SEPTIN10: variants seen among roughly 807,000 people sequenced by gnomAD.
The protein encoded by SEPTIN10 is septin 10, also known as septin-10.
A neutral mutation model predicts 54.8 loss-of-function variants in SEPTIN10; 66 were observed. That is an observed-to-expected ratio of 1.21 (90% CI 0.99 to 1.48). The LOEUF (loss-of-function observed/expected upper bound fraction) is 1.48. Ranked by LOEUF, SEPTIN10 falls within the 40% of genes most tolerant of loss-of-function variation. SEPTIN10 has a pLI of 0.00. For missense variants in SEPTIN10, 620 were observed against 545.6 expected (o/e 1.14, Z -1.36); for synonymous variants, 161 against 181.0 (o/e 0.89, Z 0.89).
rs1686413429 is a variant in SEPTIN10, at chr2:109,564,363, T to A, written c.1028+3A>T. The A allele has an allele frequency of 6.5e-7, 1 of 1,550,354 alleles. No individual in the cohort carries two copies. The highest frequency in any genetic ancestry group is 8.7e-7 in the Non-Finnish European group (1 of 1,144,340). Reference sequence around the variant, plus strand: ...GGTTGGCTTCCCAAGAACCCCACCCTACCTGACTGGCTTGTTTTCTGGGCC... The same window carrying A: ...GGTTGGCTTCCCAAGAACCCCACCCAACCTGACTGGCTTGTTTTCTGGGCC... On this transcript the variant is annotated splice_donor_region_variant and intron_variant, in intron 8 of 10. Transcript: ENST00000397712.
chr2:109,596,405 C>T (rs1177191645), intron 1 of SEPTIN10, among the ~76,000 whole-genome samples: 1 of 151,906 alleles, frequency 6.6e-6, no homozygotes, highest in East Asian at 1.9e-4. Flanking sequence ...ATCATGAGGT[C>T]AGGAGATCAA....
At chr2:109,586,543 C>T (rs1692592557) in intron 2 of SEPTIN10, among the ~76,000 whole-genome samples, 1 of 152,026 alleles carries the variant, frequency 6.6e-6, no homozygotes, top group Non-Finnish European at 1.5e-5. Flanking sequence ...GGAGAAAATT[C>T]CAGAAAGAAG....
At chr2:109,598,107 G>C (rs1006430727) in intron 1 of SEPTIN10, among the ~76,000 whole-genome samples, 2 of 152,034 alleles carry the variant, frequency 1.3e-5, no homozygotes, top group East Asian at 3.9e-4. Context: ...TCGTTGCCCA[G>C]GCTGGAGTGC....
intron 2 of SEPTIN10, among the ~76,000 whole-genome samples, chr2:109,590,071 CACATAT>C (rs1270437486): frequency 2.1e-3 from 316 of 147,922 alleles, no homozygotes; most frequent in Non-Finnish European, 3.6e-3. Flanking sequence ...TATATACACA[CACATAT>C]ATATGTATAT....
At chr2:109,587,273 G>A (rs1349507249) in intron 2 of SEPTIN10, among the ~76,000 whole-genome samples, 1 of 152,048 alleles carries the variant, frequency 6.6e-6, no homozygotes, top group Non-Finnish European at 1.5e-5. Context: ...ACTAACAGCA[G>A]ATCAAATAAT....
chr2:109,613,148 G>C (rs1347993762), intron 1 of SEPTIN10: 1 of 1,285,596 alleles, frequency 7.8e-7, no homozygotes, highest in Admixed American at 2.3e-5. Context: ...ACACGACCTT[G>C]GTACTATTAA....
intron 9 of SEPTIN10, among the ~76,000 whole-genome samples, chr2:109,548,775 CAAAAAAAAAAAAAAAA>C (rs57096452): frequency 1.6e-5 from 1 of 63,542 alleles, no homozygotes; most frequent in South Asian, 8.1e-4. Flanking sequence ...GGCTCCATCT[CAAAAAAAAAAAAAAAA>C]AAAAAAAAAA....
In SEPTIN10 at chr2:109,613,910, G is replaced by A. The variant is rs1440346660; in HGVS notation, c.-83C>T. ...CCCGGCGACGGCGGCGGGAAGGCCG[G>A]AGGGCAGAAGCAACGGGCGGGGCGC... On this transcript the variant is annotated 5_prime_UTR_variant, in exon 1 of 11. Transcript: ENST00000397712. The A allele has an allele frequency of 1.4e-5, 17 of 1,226,866 alleles. No homozygotes were observed. Among genetic ancestry groups the A allele is most frequent in the Admixed American group, 4.3e-5 (1 of 23,434 alleles). 76.0% of individuals were successfully genotyped at this position (1,226,866 alleles called of 1,614,324 possible). A position where few individuals can be genotyped will look rare whatever the true frequency, so the allele number is the denominator to read the frequency against.
intron 1 of SEPTIN10, among the ~76,000 whole-genome samples, chr2:109,602,376 T>C (rs1305738489): frequency 6.6e-6 from 1 of 152,146 alleles, no homozygotes; most frequent in Non-Finnish European, 1.5e-5. Context: ...ATCTCAAGGC[T>C]TATTTAAATA....
At chr2:109,607,569 C>A (rs1233843782) in intron 1 of SEPTIN10, among the ~76,000 whole-genome samples, 1 of 151,984 alleles carries the variant, frequency 6.6e-6, no homozygotes, top group African/African-American at 2.4e-5. Context: ...GTACTGGATT[C>A]CTCCCATTAG....
chr2:109,569,738 G>A (rs1446432432), intron 5 of SEPTIN10, among the ~76,000 whole-genome samples: 1 of 152,090 alleles, frequency 6.6e-6, no homozygotes, highest in South Asian at 2.1e-4. Context: ...ATAATTGCTT[G>A]CACAATAAAC....
intron 8 of SEPTIN10, among the ~76,000 whole-genome samples, chr2:109,562,397 C>T (rs1179741718): frequency 6.6e-6 from 1 of 151,620 alleles, no homozygotes; most frequent in East Asian, 1.9e-4. Flanking sequence ...CTCTTCTTCA[C>T]ATAGGGGTCC....
At chr2:109,594,686 T>G (rs544762635) in intron 1 of SEPTIN10, 1 of 152,374 alleles carries the variant, frequency 6.6e-6, no homozygotes, top group South Asian at 2.1e-4. Context: ...TCCCACCACC[T>G]CACCGTGATC....
chr2:109,613,519 T>A (rs747687882), intron 1 of SEPTIN10: 4 of 235,940 alleles, frequency 1.7e-5, no homozygotes, highest in Non-Finnish European at 3.3e-5. Flanking sequence ...ATGTAACTTT[T>A]GGCAAAGACC....
Position 109,584,009 on chromosome 2 carries a change from G to A in SEPTIN10, c.413+1117C>T, listed in dbSNP as rs1021835400. Among the ~76,000 whole-genome samples, 41 of 152,092 alleles carry A rather than the reference G, an allele frequency of 2.7e-4. 1 individual carries two copies. The highest frequency in any genetic ancestry group is 1.3e-4 in the Non-Finnish European group (9 of 68,022). ...TACTAGAGTGGGAAGGAAGATACCC[G>A]GTAAAGGCTGAAAAACTAACTATTG... On this transcript the variant is annotated intron_variant, in intron 4 of 10. Coordinates refer to ENST00000397712, the MANE Select transcript of SEPTIN10 (RefSeq NM_144710.5).
chr2:109,548,767 C>A (rs1433230942), intron 9 of SEPTIN10, among the ~76,000 whole-genome samples: 6 of 104,800 alleles, frequency 5.7e-5, no homozygotes, highest in African/African-American at 2.4e-4. Context: ...CAGAGTTAGG[C>A]TCCATCTCAA....
At chr2:109,577,403 G>A (rs770940530) in intron 4 of SEPTIN10, among the ~76,000 whole-genome samples, 20 of 151,972 alleles carry the variant, frequency 1.3e-4, no homozygotes, top group Non-Finnish European at 4.4e-5. Flanking sequence ...AGACCAGCCT[G>A]GCCAACATGG....
chr2:109,586,974 T>C, intron 2 of SEPTIN10, among the ~76,000 whole-genome samples: 1 of 152,208 alleles, frequency 6.6e-6, no homozygotes, highest in East Asian at 1.9e-4. Context: ...CAGTATCTAC[T>C]ATACAATAAA....
At chr2:109,592,637 G>A (rs28368774) in intron 2 of SEPTIN10, among the ~76,000 whole-genome samples, 4,728 of 149,404 alleles carry the variant, frequency 0.032, 91 homozygotes, top group Non-Finnish European at 0.047. Flanking sequence ...AAAGTTAGCC[G>A]GACGTGGTGG....
Sources: allele counts gnomAD v4.1 joint callset (sites outside exome capture counted in the v4.1 genomes callset), GRCh38; gene constraint gnomAD v4.1.1; transcripts MANE v1.5; gene names NCBI Gene and HGNC (gene_info 2026-07-23, HGNC 2026-07-21).